The following PPA1 variants were observed in gnomAD, a reference collection of about 807,000 sequenced individuals.
The protein encoded by PPA1 is inorganic pyrophosphatase 1, also known as inorganic pyrophosphatase.
In PPA1, 23 loss-of-function variants were observed where a neutral mutation model predicts 41.8. That is an observed-to-expected ratio of 0.55 (90% confidence interval 0.40 to 0.78). The LOEUF is 0.78. PPA1 is among the 30% of genes least tolerant of loss of function. The pLI is 0.00. For synonymous variants in PPA1, 101 were observed against 116.8 expected (o/e 0.86, Z 0.87); for missense variants, 320 against 361.6 (o/e 0.89, Z 0.93).
At chr10:70,220,936 A>AC (rs1319322387) in intron 2 of PPA1, among the ~76,000 whole-genome samples, 11 of 16,976 alleles carry the variant, frequency 6.5e-4, no homozygotes, top group South Asian at 1.7e-3. Context: ...TATATATACT[A>AC]TATATATAAT....
At chr10:70,208,462 G>T (rs1394410793) in intron 8 of PPA1, among the ~76,000 whole-genome samples, 1 of 151,462 alleles carries the variant, frequency 6.6e-6, no homozygotes, top group Admixed American at 6.6e-5. Flanking sequence ...CCTCAGCCTT[G>T]CTACAGGCAA....
chr10:70,205,124 C>A (rs1839922713), intron 9 of PPA1: 1 of 369,354 alleles, frequency 2.7e-6, no homozygotes, highest in Non-Finnish European at 4.9e-6. Context: ...GTGGCTCATG[C>A]CCATAATCCC....
chr10:70,230,863 G>A (rs1334088104), intron 1 of PPA1, among the ~76,000 whole-genome samples: 1 of 152,036 alleles, frequency 6.6e-6, no homozygotes, highest in African/African-American at 2.4e-5. Context: ...CCCAGGCTAG[G>A]CTGGGTTTAC....
intron 4 of PPA1, among the ~76,000 whole-genome samples, chr10:70,217,012 A>G (rs1284182853): frequency 6.6e-6 from 1 of 151,990 alleles, no homozygotes; most frequent in Non-Finnish European, 1.5e-5. Context: ...TAAACTGCAA[A>G]AAATTAGGTG....
intron 2 of PPA1, among the ~76,000 whole-genome samples, chr10:70,220,813 T>TA (rs1840144306): frequency 1.2e-4 from 4 of 34,182 alleles, no homozygotes; most frequent in African/African-American, 6.3e-4. Context: ...TATATAATTT[T>TA]TATATATATT....
Position 70,213,518 on chromosome 10 carries a change from G to C in PPA1, c.456C>G (p.Thr152=), listed in dbSNP as rs761434786. Residue 152 remains threonine, a synonymous_variant, in exon 6 of 11, where the codon ACC becomes ACG. Transcript: ENST00000373232. ...GILAMIDEGE[T]DWKVIAINVD... Reference sequence around the variant, plus strand: ...CATTAATGGCAATGACTTTCCAGTCGGTTTCCCCTTCGTCAATCATAGCCA... The same window carrying C: ...CATTAATGGCAATGACTTTCCAGTCCGTTTCCCCTTCGTCAATCATAGCCA... The C allele has an allele frequency of 1.7e-5, 28 of 1,613,820 alleles. No homozygotes were observed. The highest frequency in any genetic ancestry group is 2.3e-5 in the Non-Finnish European group (27 of 1,179,938).
In PPA1 at chr10:70,233,408, G is replaced by A; in HGVS notation, c.-81C>T. 1 of 1,495,294 alleles carries A rather than the reference G, an allele frequency of 6.7e-7. No individual in the cohort carries two copies. Among genetic ancestry groups the A allele is most frequent in the Non-Finnish European group, 8.9e-7 (1 of 1,127,546 alleles). 92.6% of individuals were successfully genotyped at this position (1,495,294 alleles called of 1,614,324 possible). A position where few individuals can be genotyped will look rare whatever the true frequency, so the allele number is the denominator to read the frequency against. ...CCGACTGACAAGGAGAGAGCCCCAC[G>A]CCTGCGCACTGCGAGCACTGGACCG... is the stretch of plus-strand genomic sequence containing the variant. On this transcript the variant is annotated 5_prime_UTR_variant, in exon 1 of 11. Transcript: ENST00000373232.
intron 2 of PPA1, among the ~76,000 whole-genome samples, chr10:70,221,057 T>TAAA (rs1840157334): frequency 4.6e-4 from 11 of 24,048 alleles, no homozygotes; most frequent in Non-Finnish European, 6.3e-4. Flanking sequence ...ATATATATAA[T>TAAA]TTATATATAT....
intron 2 of PPA1, among the ~76,000 whole-genome samples, chr10:70,226,289 T>TGCTG (rs1441279816): frequency 6.6e-6 from 1 of 152,198 alleles, no homozygotes; most frequent in African/African-American, 2.4e-5. Context: ...AAGAATAAGC[T>TGCTG]GCTGGCTGGG....
chr10:70,209,782 C>A, intron 6 of PPA1, 97 bp from the exon 7 acceptor site: 5 of 1,362,598 alleles, frequency 3.7e-6, no homozygotes, highest in Non-Finnish European at 5.1e-6. Flanking sequence ...TAATTATACA[C>A]TCAACAAAAA....
chr10:70,203,065 T>G lies in PPA1; in HGVS notation c.*90A>C. ...CTTTAGTTAGATGAGTTCTACAAAT[T>G]TAAAGCTTTGAAAAGCTACTACTTT... is the stretch of plus-strand genomic sequence containing the variant. On this transcript the variant is annotated 3_prime_UTR_variant, in exon 11 of 11. Transcript: ENST00000373232. The G allele has an allele frequency of 1.5e-6, 2 of 1,327,740 alleles. No individual in the cohort carries two copies. Among genetic ancestry groups the G allele is most frequent in the Non-Finnish European group, 2.1e-6 (2 of 933,898 alleles). The allele number at this position is 1,327,740 out of a possible 1,614,324, so 82.2% of individuals were successfully genotyped here.
chr10:70,231,410 T>C (rs894857462), intron 1 of PPA1, among the ~76,000 whole-genome samples: 1 of 152,066 alleles, frequency 6.6e-6, no homozygotes, highest in African/African-American at 2.4e-5. Flanking sequence ...CTACTAAAAA[T>C]ACAAAAATTA....
rs199812466 is a variant in PPA1, at chr10:70,232,856, C to CCA, written c.64+407_64+408insTG. On this transcript the variant is annotated intron_variant, in intron 1 of 10. Coordinates refer to ENST00000373232, the MANE Select transcript of PPA1 (RefSeq NM_021129.4). ...ATTAAGGTCTTTAGGAAGTCACTGCCCCCCCCGGCCCGGAGTCGCCTTTTC... is the reference window on the plus strand; with the variant it reads ...ATTAAGGTCTTTAGGAAGTCACTGCCCACCCCCCGGCCCGGAGTCGCCTTTTC... Among the ~76,000 whole-genome samples, 822 of 152,070 alleles carry CCA rather than the reference C, an allele frequency of 5.4e-3. 11 individuals carry two copies. The highest frequency in any genetic ancestry group is 0.019 in the African/African-American group (783 of 41,430).
intron 1 of PPA1, 134 bp downstream of exon 1, chr10:70,233,130 C>T: frequency 9.6e-7 from 1 of 1,040,736 alleles, no homozygotes; most frequent in Non-Finnish European, 1.3e-6. Context: ...CGGCCAGGCC[C>T]CACAACGCGC....
At chr10:70,210,020 A>G in intron 6 of PPA1, 1 of 321,642 alleles carries the variant, frequency 3.1e-6, no homozygotes, top group Non-Finnish European at 5.8e-6. Flanking sequence ...TGAAACAACC[A>G]GTTTGGCAAA....
At chr10:70,208,275 C>T (rs888875573) in intron 8 of PPA1, among the ~76,000 whole-genome samples, 1 of 152,080 alleles carries the variant, frequency 6.6e-6, no homozygotes, top group Non-Finnish European at 1.5e-5. Flanking sequence ...TACATTAAGA[C>T]CATTTTCATA....
chr10:70,226,041 T>TA (rs1840226470), intron 2 of PPA1, among the ~76,000 whole-genome samples: 2 of 152,202 alleles, frequency 1.3e-5, no homozygotes, highest in Non-Finnish European at 1.5e-5. Flanking sequence ...AGACATGACT[T>TA]ACACCAACCC....
At chr10:70,218,504 G>A (rs373806380) in intron 3 of PPA1, 99 of 442,562 alleles carry the variant, frequency 2.2e-4, no homozygotes, top group African/African-American at 1.9e-3. Context: ...AGAGTAAGAG[G>A]AGAAAAAGTA....
intron 1 of PPA1, among the ~76,000 whole-genome samples, chr10:70,231,359 G>A (rs1168888358): frequency 6.6e-6 from 1 of 152,208 alleles, no homozygotes; most frequent in Non-Finnish European, 1.5e-5. Flanking sequence ...TGGAGGTAAG[G>A]AGTTCAAGAC....
Sources: gnomAD v4.1 joint callset for allele counts (sites outside exome capture counted in the v4.1 genomes callset) on GRCh38, gnomAD v4.1.1 for gene constraint, MANE v1.5 for transcripts, NCBI Gene and HGNC (gene_info 2026-07-23, HGNC 2026-07-21) for gene names.